The following UTRN variants were observed in gnomAD, a reference collection of about 807,000 sequenced individuals.
UTRN encodes dystrophin-related protein 1.
Under a neutral mutation model 463.9 loss-of-function variants are expected in UTRN, and 283 were observed. The observed-to-expected ratio is 0.61, with a 90% CI of 0.55 to 0.67. UTRN has a LOEUF of 0.67. Ranked by LOEUF, UTRN falls within the 30% of genes least tolerant of loss-of-function variation. UTRN has a pLI of 0.00. For synonymous variants in UTRN, 1,442 were observed against 1,431.5 expected (o/e 1.01, Z -0.17); for missense variants, 3,922 against 4,084.3 (o/e 0.96, Z 1.08).
At chr6:144,379,265 T>C (rs146818158) in intron 2 of UTRN, among the ~76,000 whole-genome samples, 201 of 152,322 alleles carry the variant, frequency 1.3e-3, no homozygotes, top group Non-Finnish European at 2.3e-3. Flanking sequence ...ATATTTATTA[T>C]CTCATGCAGT....
chr6:144,617,568 A>G (rs143953309), intron 51 of UTRN, among the ~76,000 whole-genome samples: 25 of 152,306 alleles, frequency 1.6e-4, no homozygotes, highest in African/African-American at 4.3e-4. Context: ...AACATCTTCC[A>G]GTCTAAAGTC....
intron 51 of UTRN, among the ~76,000 whole-genome samples, chr6:144,637,895 A>C (rs746845060): frequency 6.6e-5 from 10 of 152,220 alleles, no homozygotes; most frequent in African/African-American, 9.6e-5. Context: ...AATCTTTTTA[A>C]AAAGTTTTAT....
At chr6:144,447,129 AAGTT>A in intron 14 of UTRN, 78 bp from the exon 15 acceptor site, 2 of 1,320,076 alleles carry the variant, frequency 1.5e-6, no homozygotes, top group Non-Finnish European at 2.1e-6. Context: ...AATAAAATAA[AAGTT>A]AGAAATTTGG....
chr6:144,737,393 A>G (rs1789544699), intron 54 of UTRN, among the ~76,000 whole-genome samples: 1 of 152,242 alleles, frequency 6.6e-6, no homozygotes, highest in Non-Finnish European at 1.5e-5. Flanking sequence ...AATGATAAAA[A>G]GATATGCAAG....
intron 2 of UTRN, among the ~76,000 whole-genome samples, chr6:144,384,164 C>A (rs1307394414): frequency 6.6e-6 from 1 of 152,042 alleles, no homozygotes; most frequent in Non-Finnish European, 1.5e-5. Context: ...GAATTCTTTT[C>A]TTGTTGAAAA....
At chr6:144,763,771 C>T (rs1351609577) in intron 58 of UTRN, among the ~76,000 whole-genome samples, 2 of 152,108 alleles carry the variant, frequency 1.3e-5, no homozygotes, top group Non-Finnish European at 2.9e-5. Flanking sequence ...TTATCATTAA[C>T]GGTTATAGAA....
chr6:144,356,052 T>A (rs1778519837), intron 2 of UTRN, among the ~76,000 whole-genome samples: 1 of 152,018 alleles, frequency 6.6e-6, no homozygotes, highest in Non-Finnish European at 1.5e-5. Flanking sequence ...CTGAAACAGG[T>A]TTTTCAGTTG....
intron 66 of UTRN, 137 bp downstream of exon 66, chr6:144,821,155 C>T (rs1779564803): frequency 1.8e-6 from 2 of 1,118,708 alleles, no homozygotes; most frequent in Non-Finnish European, 2.4e-6. Context: ...AATCAGTCTT[C>T]ACAACATGAA....
At chr6:144,331,572 A>G (rs1279680788) in intron 2 of UTRN, among the ~76,000 whole-genome samples, 2 of 152,174 alleles carry the variant, frequency 1.3e-5, no homozygotes, top group Non-Finnish European at 2.9e-5. Flanking sequence ...CCCTGCATCC[A>G]TTTAATTTGT....
intron 50 of UTRN, among the ~76,000 whole-genome samples, chr6:144,561,351 C>T (rs1412889006): frequency 6.7e-6 from 1 of 148,898 alleles, no homozygotes. Context: ...CACATATACA[C>T]ACACATATAA....
rs747525725 is a variant in UTRN at position 144,730,407 on chromosome 6, C to A, written c.7860C>A (p.Val2620=). 1 of 1,612,106 alleles carries A rather than the reference C, an allele frequency of 6.2e-7. No individual in the cohort carries two copies. Among genetic ancestry groups the A allele is most frequent in the Non-Finnish European group, 8.5e-7 (1 of 1,179,000 alleles). The part of the protein sequence containing the change: ...KEKEYSVLNA[V]DQARVFLADQ... Reference sequence around the variant, plus strand: ...AAGAATATTCTGTCCTGAATGCTGTCGACCAGGCCCGAGTTTTCTTGGCTG... The same window carrying A: ...AAGAATATTCTGTCCTGAATGCTGTAGACCAGGCCCGAGTTTTCTTGGCTG... Residue 2620 remains valine, a synonymous_variant, in exon 54 of 75, where the codon GTC becomes GTA. Transcript: ENST00000367545.
intron 51 of UTRN, among the ~76,000 whole-genome samples, chr6:144,627,196 G>A (rs558361068): frequency 6.6e-6 from 1 of 152,154 alleles, no homozygotes; most frequent in Non-Finnish European, 1.5e-5. Flanking sequence ...GGGTAGAGTT[G>A]TCTCCAAGAG....
intron 2 of UTRN, among the ~76,000 whole-genome samples, chr6:144,363,809 T>G (rs1779275589): frequency 6.6e-6 from 1 of 152,128 alleles, no homozygotes; most frequent in African/African-American, 2.4e-5. Context: ...ATGTTGGGGC[T>G]GGAGGAAAAT....
intron 31 of UTRN, 109 bp from the exon 32 acceptor site, chr6:144,490,820 T>G (rs1792989626): frequency 7.9e-7 from 1 of 1,272,052 alleles, no homozygotes. Flanking sequence ...TTTCTGAATT[T>G]TTTTCTTTTG....
chr6:144,841,908 G>A (rs888377626), intron 73 of UTRN, among the ~76,000 whole-genome samples: 36 of 151,840 alleles, frequency 2.4e-4, no homozygotes, highest in Non-Finnish European at 4.3e-4. Context: ...TCAGGAGTTC[G>A]AGACCAGTCT....
intron 53 of UTRN, among the ~76,000 whole-genome samples, chr6:144,702,806 T>C (rs1008508366): frequency 6.6e-6 from 1 of 152,108 alleles, no homozygotes; most frequent in Non-Finnish European, 1.5e-5. Flanking sequence ...GAGACCAATA[T>C]GTTTGAAAAA....
chr6:144,442,850 ACTT>A (rs1438184601), intron 13 of UTRN, among the ~76,000 whole-genome samples: 3 of 152,208 alleles, frequency 2.0e-5, no homozygotes, highest in East Asian at 1.9e-4. Flanking sequence ...TGATCCACTG[ACTT>A]CTTCTCAGAA....
intron 48 of UTRN, among the ~76,000 whole-genome samples, chr6:144,553,258 G>C (rs181972626): frequency 6.6e-6 from 1 of 152,248 alleles, no homozygotes; most frequent in East Asian, 1.9e-4. Flanking sequence ...GGCTGGTCTT[G>C]AACTTCTGGC....
At position 144,341,608 on chromosome 6, in the gene UTRN, C is replaced by T. The variant is rs12665850; in HGVS notation, c.79+49701C>T. On this transcript the variant is annotated intron_variant, in intron 2 of 74. Coordinates refer to ENST00000367545, the MANE Select transcript of UTRN (RefSeq NM_007124.3). ...TGAGATCCTTAATCTTAAATCACATCTGGTCTAACAATTCTTCCTATAAAC... is the reference window on the plus strand; with the variant it reads ...TGAGATCCTTAATCTTAAATCACATTTGGTCTAACAATTCTTCCTATAAAC... Among the ~76,000 whole-genome samples the T allele has an allele frequency of 7.5e-3, 1,143 of 152,312 alleles. 55 individuals are homozygous for T. In the East Asian group the frequency reaches 0.14, roughly 18 times the overall value.
Sources: gnomAD v4.1 joint callset for allele counts (sites outside exome capture counted in the v4.1 genomes callset) on GRCh38, gnomAD v4.1.1 for gene constraint, MANE v1.5 for transcripts, NCBI Gene and HGNC (gene_info 2026-07-23, HGNC 2026-07-21) for gene names.